SCN7A: variants seen among roughly 807,000 people sequenced by gnomAD.
SCN7A encodes the protein sodium voltage-gated channel alpha subunit 7.
In SCN7A, 138 loss-of-function variants were observed where a neutral mutation model predicts 155.2. The observed-to-expected ratio is 0.89, with a 90% CI of 0.77 to 1.02. The LOEUF (loss-of-function observed/expected upper bound fraction) is 1.02, where lower values mean the gene tolerates loss of function less well. Among genes scored for constraint, SCN7A ranks in the 50% least tolerant of loss-of-function variants. The pLI, the probability that SCN7A is intolerant of heterozygous loss-of-function variation, is 0.00. For synonymous variants in SCN7A, 693 were observed against 649.0 expected, an observed-to-expected ratio of 1.07 and a Z score of -1.03; for missense variants, 2,058 against 1,986.6, an observed-to-expected ratio of 1.04 and a Z score of -0.68.
chr2:166,490,934 G>GT (rs1435873136), intron 1 of SCN7A, among the ~76,000 whole-genome samples: 1 of 152,110 alleles, frequency 6.6e-6, no homozygotes, highest in Non-Finnish European at 1.5e-5. Context: ...GCATGATTTA[G>GT]TTTTTGTCTC....
At chr2:166,453,409 AAT>A (rs1270858123) in intron 11 of SCN7A, among the ~76,000 whole-genome samples, 3 of 152,196 alleles carry the variant, frequency 2.0e-5, no homozygotes, top group Non-Finnish European at 2.9e-5. Context: ...TGCTGACCGC[AAT>A]AGTTTGTATA....
At chr2:166,429,332 G>T in intron 16 of SCN7A, 58 bp from the exon 17 acceptor site, 2 of 1,042,846 alleles carry the variant, frequency 1.9e-6, no homozygotes, top group South Asian at 1.6e-5. Context: ...ACCCATGGTG[G>T]CCAAAGTTTA....
intron 15 of SCN7A, among the ~76,000 whole-genome samples, chr2:166,434,534 G>T (rs1481179599): frequency 6.6e-6 from 1 of 152,096 alleles, no homozygotes; most frequent in Non-Finnish European, 1.5e-5. Flanking sequence ...GCAGACTTAG[G>T]TCTAATCTAT....
rs1701019936 is a variant in SCN7A, at chr2:166,404,334, T to C, written c.*1246A>G. The stretch of plus-strand genomic sequence containing the variant: ...AAACAATTTCAATAGTGAAAACTAA[T>C]GTTTAGGATTTTACAGTTCTTTGAA... On this transcript the variant is annotated 3_prime_UTR_variant, in exon 26 of 26. Coordinates refer to ENST00000643258, the MANE Select transcript of SCN7A (RefSeq NM_002976.4). 6.6e-6 allele frequency: 1 copy of C among 151,956 alleles called. No homozygotes were observed. The highest frequency in any genetic ancestry group is 2.1e-4 in the South Asian group (1 of 4,830). 9.4% of individuals were successfully genotyped at this position (151,956 alleles called of 1,614,324 possible). A position where few individuals can be genotyped will look rare whatever the true frequency, so the allele number is the denominator to read the frequency against.
intron 11 of SCN7A, among the ~76,000 whole-genome samples, chr2:166,449,267 T>C (rs1317478892): frequency 2.0e-5 from 3 of 152,106 alleles, no homozygotes; most frequent in African/African-American, 7.2e-5. Context: ...GTTTTTACAT[T>C]TGACACAAGC....
intron 15 of SCN7A, among the ~76,000 whole-genome samples, chr2:166,434,185 A>C (rs2105417587): frequency 6.6e-6 from 1 of 152,204 alleles, no homozygotes; most frequent in East Asian, 1.9e-4. Context: ...CACATCTGGG[A>C]TAATAGTGTT....
Position 166,429,160 on chromosome 2 carries a change from T to A in SCN7A, c.2698+9A>T. Reference sequence around the variant, plus strand: ...TAGTTTCCTAGCAAGATTAACAAAATTTTCTTACCATTTTTCAGATGCTTT... The same window carrying A: ...TAGTTTCCTAGCAAGATTAACAAAAATTTCTTACCATTTTTCAGATGCTTT... On this transcript the variant is annotated intron_variant, in intron 17 of 25. Transcript: ENST00000643258. 6.7e-7 allele frequency: 1 copy of A among 1,497,300 alleles called. No homozygotes were observed. The highest frequency in any genetic ancestry group is 9.0e-7 in the Non-Finnish European group (1 of 1,114,532). 92.8% of individuals were successfully genotyped at this position (1,497,300 alleles called of 1,614,324 possible). A position where few individuals can be genotyped will look rare whatever the true frequency, so the allele number is the denominator to read the frequency against.
At position 166,423,248 on chromosome 2, in the gene SCN7A, A is replaced by G; in HGVS notation, c.3027+11T>C. ...AATCAAATAGCCTTTCATTTTCTTT[A>G]AAATACGTACAATAACAACCACGAA... On this transcript the variant is annotated intron_variant, in intron 19 of 25. Coordinates refer to ENST00000643258, the MANE Select transcript of SCN7A (RefSeq NM_002976.4). 1 of 1,594,486 alleles carries G rather than the reference A, an allele frequency of 6.3e-7. No individual in the cohort carries two copies. Among genetic ancestry groups the G allele is most frequent in the Non-Finnish European group, 8.5e-7 (1 of 1,174,626 alleles).
intron 11 of SCN7A, 39 bp from the exon 12 acceptor site, chr2:166,447,747 C>A (rs1356428610): frequency 3.5e-6 from 5 of 1,418,088 alleles, no homozygotes; most frequent in Non-Finnish European, 5.0e-6. Context: ...GGCTTCCTGT[C>A]TTTGCAGGTC....
At chr2:166,429,754 G>A (rs928467319) in intron 16 of SCN7A, among the ~76,000 whole-genome samples, 5 of 151,982 alleles carry the variant, frequency 3.3e-5, no homozygotes, top group Non-Finnish European at 7.4e-5. Context: ...GTCATCACAG[G>A]ATGGGATTTA....
chr2:166,484,420 T>G (rs1251176636), intron 2 of SCN7A, among the ~76,000 whole-genome samples: 1 of 151,782 alleles, frequency 6.6e-6, no homozygotes, highest in Admixed American at 6.6e-5. Context: ...TAAATGTATA[T>G]ATAGTATATG....
chr2:166,414,873 A>T (rs113746052), intron 21 of SCN7A: 2,312 of 79,552 alleles, frequency 0.029, 34 homozygotes, highest in South Asian at 0.048. Context: ...AATATATATT[A>T]TATAGGATAA....
intron 10 of SCN7A, among the ~76,000 whole-genome samples, chr2:166,458,332 A>G (rs888351418): frequency 2.0e-5 from 3 of 151,902 alleles, no homozygotes; most frequent in Non-Finnish European, 2.9e-5. Flanking sequence ...GTATCAAAAA[A>G]AAAAAAAAAA....
chr2:166,431,169 A>C (rs1305312113), intron 16 of SCN7A, among the ~76,000 whole-genome samples: 8 of 152,118 alleles, frequency 5.3e-5, no homozygotes, highest in Admixed American at 5.3e-4. Context: ...ATAGTAATCC[A>C]AATCTTTAAC....
chr2:166,480,922 TA>T (rs1468411340), intron 2 of SCN7A, among the ~76,000 whole-genome samples: 2 of 152,260 alleles, frequency 1.3e-5, no homozygotes, highest in East Asian at 3.9e-4. Flanking sequence ...TGAAGTAAAA[TA>T]TATGTATTTG....
At chr2:166,483,041 A>G (rs1429502357) in intron 2 of SCN7A, among the ~76,000 whole-genome samples, 7 of 152,034 alleles carry the variant, frequency 4.6e-5, no homozygotes, top group Admixed American at 1.3e-4. Flanking sequence ...TTTGGCAATA[A>G]TTCTATCAAA....
intron 11 of SCN7A, among the ~76,000 whole-genome samples, chr2:166,449,534 A>C (rs1575036836): frequency 6.6e-6 from 1 of 152,160 alleles, no homozygotes; most frequent in Non-Finnish European, 1.5e-5. Context: ...GAGCTAGAGG[A>C]GGATAAAGCC....
rs963815377 is a variant in SCN7A, at chr2:166,423,446, TA to T, written c.2854-15del. 5 of 1,510,492 alleles carry T rather than the reference TA, an allele frequency of 3.3e-6. No individual in the cohort carries two copies. The African/African-American group carries it at 4.3e-5, about 13-fold the overall frequency. 93.6% of individuals were successfully genotyped at this position (1,510,492 alleles called of 1,614,324 possible). On this transcript the variant is annotated splice_polypyrimidine_tract_variant and intron_variant, in intron 18 of 25. Coordinates refer to ENST00000643258, the MANE Select transcript of SCN7A (RefSeq NM_002976.4). Reference sequence around the variant, plus strand: ...ATCTTCAAAAGCCTGTGGGTAAAAATAAAAAAATAAGGATTAGGTGTACAGG... The same window carrying T: ...ATCTTCAAAAGCCTGTGGGTAAAAATAAAAAATAAGGATTAGGTGTACAGG...
Position 166,441,390 on chromosome 2 carries a change from A to G in SCN7A, c.2157+6T>C, listed in dbSNP as rs558872337. Reference sequence around the variant, plus strand: ...CATGGAAAATGTAAAAGAATTGACTACTTACCAGTAAATTTCCAATTAAAA... The same window carrying G: ...CATGGAAAATGTAAAAGAATTGACTGCTTACCAGTAAATTTCCAATTAAAA... On this transcript the variant is annotated splice_donor_region_variant and intron_variant, in intron 15 of 25. Transcript: ENST00000643258. The G allele has an allele frequency of 1.9e-5, 29 of 1,562,360 alleles. 1 individual carries two copies. The South Asian group carries it at 3.1e-4, about 17-fold the overall frequency.
Sources: allele counts gnomAD v4.1 joint callset (sites outside exome capture counted in the v4.1 genomes callset), GRCh38; gene constraint gnomAD v4.1.1; transcripts MANE v1.5; gene names NCBI Gene and HGNC (gene_info 2026-07-23, HGNC 2026-07-21).